The following PAM variants were observed in gnomAD, a reference collection of about 807,000 sequenced individuals.
The protein encoded by PAM is peptidylglycine alpha-amidating monooxygenase.
PAM carries 72 observed loss-of-function variants against 122.1 expected under a neutral mutation model. The observed-to-expected ratio is 0.59, with a 90% CI of 0.49 to 0.72. The LOEUF is 0.72. Among genes scored for constraint, PAM ranks in the 30% least tolerant of loss-of-function variants. The probability of loss-of-function intolerance (pLI) is 0.00; values close to 1 mark genes in which losing one functional copy is unlikely to be tolerated. For synonymous variants in PAM, 389 were observed against 404.4 expected (o/e 0.96, Z 0.46); for missense variants, 1,106 against 1,183.7 (o/e 0.93, Z 0.96).
chr5:102,864,026 G>T (rs1190084310), intron 1 of PAM, among the ~76,000 whole-genome samples: 1 of 150,882 alleles, frequency 6.6e-6, no homozygotes, highest in Non-Finnish European at 1.5e-5. Flanking sequence ...AGTACTTAAG[G>T]GTGTGTTCCT....
At chr5:102,873,834 G>T (rs572546728) in intron 3 of PAM, 1 of 152,172 alleles carries the variant, frequency 6.6e-6, no homozygotes, top group East Asian at 1.9e-4. Context: ...ATGAATATGA[G>T]TCGTGGCTTT....
Position 103,019,833 on chromosome 5 carries a change from G to C in PAM, c.2475G>C (p.Gln825His). 6.2e-7 allele frequency: 1 copy of C among 1,602,862 alleles called. No homozygotes were observed. Among genetic ancestry groups the C allele is most frequent in the Non-Finnish European group, 8.5e-7 (1 of 1,169,884 alleles). The change falls in exon 23 of 26, where the codon CAG becomes CAC. Residue 825 changes from glutamine (Q) to histidine (H), a missense_variant. Physicochemically the swap from Gln to His is conservative, Grantham distance 24. This residue lies in a region of PAM where 333 missense variants were observed against 335.6 expected (regional missense o/e 0.99). Coordinates refer to ENST00000438793, the MANE Select transcript of PAM (RefSeq NM_001177306.2). ...RSVKKAGIEVQEIKEAEAVVE... is the reference protein window; with the variant it reads ...RSVKKAGIEVHEIKEAEAVVE... ...TTAAAAAGGCTGGCATTGAGGTCCA[G>C]GAAATCAAAGGTTGGTCAGATTCCT...
intron 1 of PAM, among the ~76,000 whole-genome samples, chr5:102,801,543 A>G (rs258145): frequency 0.67 from 101,795 of 151,928 alleles, 34,460 homozygotes; most frequent in South Asian, 0.77. Flanking sequence ...CTGCCTGAAT[A>G]CCCTTTGTAA....
At chr5:102,858,098 C>T (rs2150826715) in intron 1 of PAM, among the ~76,000 whole-genome samples, 1 of 152,308 alleles carries the variant, frequency 6.6e-6, no homozygotes, top group Middle Eastern at 3.4e-3. Flanking sequence ...ATTATACACG[C>T]AAAATCAGTG....
chr5:102,931,872 T>C (rs1249821527), intron 7 of PAM, among the ~76,000 whole-genome samples: 1 of 152,066 alleles, frequency 6.6e-6, no homozygotes, highest in Non-Finnish European at 1.5e-5. Flanking sequence ...CTCACAGCCC[T>C]GTATGTACAC....
chr5:102,793,765 G>T (rs1451711703), intron 1 of PAM, among the ~76,000 whole-genome samples: 2 of 152,088 alleles, frequency 1.3e-5, no homozygotes, highest in East Asian at 3.9e-4. Context: ...ATTATAGCAA[G>T]TATTTTATCC....
intron 7 of PAM, among the ~76,000 whole-genome samples, chr5:102,931,172 A>G (rs1386313129): frequency 6.6e-6 from 1 of 152,230 alleles, no homozygotes; most frequent in Non-Finnish European, 1.5e-5. Flanking sequence ...TATTTTGTCT[A>G]GTTACACATA....
At position 102,924,989 on chromosome 5, in the gene PAM, C is replaced by A; in HGVS notation, c.389C>A (p.Ala130Asp). The A allele has an allele frequency of 1.3e-6, 2 of 1,586,306 alleles. No homozygotes were observed. Among genetic ancestry groups the A allele is most frequent in the Non-Finnish European group, 1.7e-6 (2 of 1,154,570 alleles). The change falls in exon 6 of 26, where the codon GCC (alanine) becomes GAC (aspartate). Residue 130 changes from alanine (A) to aspartate (D), a missense_variant. Physicochemically the swap from Ala to Asp is moderately radical, Grantham distance 126. Coordinates refer to ENST00000438793, the MANE Select transcript of PAM (RefSeq NM_001177306.2). ...FCDEGTCTDK[A>D]NILYAWARNA... ...GATGAAGGAACCTGTACAGATAAAG[C>A]CAATATTCTGTATGCCTGGGCGAGA...
intron 1 of PAM, among the ~76,000 whole-genome samples, chr5:102,846,867 C>T (rs1780086639): frequency 6.6e-6 from 1 of 152,048 alleles, no homozygotes; most frequent in Non-Finnish European, 1.5e-5. Context: ...TCAAGTTGGC[C>T]CTGATTCTAC....
chr5:102,763,154 C>T (rs1183128144), intron 1 of PAM, among the ~76,000 whole-genome samples: 1 of 152,084 alleles, frequency 6.6e-6, no homozygotes, highest in African/African-American at 2.4e-5. Context: ...CATGATTATC[C>T]AGTAGATAGT....
chr5:102,939,681 G>C (rs1248369704), intron 7 of PAM, among the ~76,000 whole-genome samples: 1 of 151,968 alleles, frequency 6.6e-6, no homozygotes, highest in Non-Finnish European at 1.5e-5. Context: ...CATATTGAAT[G>C]ACTGAAAAAT....
intron 1 of PAM, among the ~76,000 whole-genome samples, chr5:102,857,380 T>C (rs1164848128): frequency 2.0e-5 from 3 of 152,332 alleles, no homozygotes; most frequent in Non-Finnish European, 2.9e-5. Flanking sequence ...CTGGGTTTTA[T>C]ATGAAATCTT....
rs1784705604 is a variant in PAM at position 103,025,486 on chromosome 5, C to G, written c.2689+152C>G. On this transcript the variant is annotated intron_variant, in intron 24 of 25. Coordinates refer to ENST00000438793, the MANE Select transcript of PAM (RefSeq NM_001177306.2). ...ATTTTTGACATTATTGTCTATGTTC[C>G]AAATATTGCCCCTAGTTAATATCAC... 5.9e-6 allele frequency: 4 copies of G among 682,956 alleles called. No individual in the cohort carries two copies. The East Asian group carries it at 1.1e-4, about 18-fold the overall frequency. The allele number at this position is 682,956 out of a possible 1,614,324, so 42.3% of individuals were successfully genotyped here.
intron 1 of PAM, among the ~76,000 whole-genome samples, chr5:102,810,441 T>C (rs1767563910): frequency 6.6e-6 from 1 of 152,228 alleles, no homozygotes; most frequent in Non-Finnish European, 1.5e-5. Flanking sequence ...AAACTTGTTT[T>C]TGCTGAAATA....
intron 19 of PAM, 59 bp downstream of exon 19, chr5:103,007,070 A>C: frequency 8.0e-7 from 1 of 1,256,642 alleles, no homozygotes; most frequent in African/African-American, 1.5e-5. Context: ...ACTGGGAACT[A>C]AATATTGGCC....
At chr5:102,884,656 C>G (rs1048446079) in intron 3 of PAM, among the ~76,000 whole-genome samples, 25 of 151,806 alleles carry the variant, frequency 1.6e-4, no homozygotes, top group East Asian at 1.4e-3. Context: ...TTTCAATAAC[C>G]CTCTTCAAGA....
intron 4 of PAM, among the ~76,000 whole-genome samples, chr5:102,908,247 T>C (rs1274915248): frequency 6.6e-6 from 1 of 151,986 alleles, no homozygotes; most frequent in Non-Finnish European, 1.5e-5. Flanking sequence ...CCCCATTGCT[T>C]GTTTTTCTCA....
chr5:102,876,801 A>G (rs1317147620), intron 3 of PAM, among the ~76,000 whole-genome samples: 1 of 152,242 alleles, frequency 6.6e-6, no homozygotes, highest in Non-Finnish European at 1.5e-5. Flanking sequence ...AGAGACTGGA[A>G]GGCAAAGGCT....
chr5:102,983,654 A>G (rs1770712930), intron 15 of PAM, among the ~76,000 whole-genome samples: 1 of 152,192 alleles, frequency 6.6e-6, no homozygotes, highest in Non-Finnish European at 1.5e-5. Context: ...CCGTTTTGAA[A>G]GAGATACAGA....
Sources: allele counts gnomAD v4.1 joint callset (sites outside exome capture counted in the v4.1 genomes callset), GRCh38; gene constraint gnomAD v4.1.1; regional missense constraint gnomAD v4.1.1; transcripts MANE v1.5; gene names NCBI Gene and HGNC (gene_info 2026-07-23, HGNC 2026-07-21).